Variants in MEGF10 observed in about 807,000 individuals in gnomAD.
MEGF10 encodes multiple EGF like domains 10, also known as multiple epidermal growth factor-like domains protein 10.
MEGF10 carries 86 observed loss-of-function variants against 147.5 expected under a neutral mutation model. That is an observed-to-expected ratio of 0.58 (90% CI 0.49 to 0.70). The LOEUF is 0.70. Among genes scored for constraint, MEGF10 ranks in the 30% least tolerant of loss-of-function variants. The probability of loss-of-function intolerance (pLI) is 0.00; values close to 1 mark genes in which losing one functional copy is unlikely to be tolerated. For synonymous variants in MEGF10, 478 were observed against 525.5 expected (o/e 0.91, Z 1.24); for missense variants, 1,329 against 1,487.3 (o/e 0.89, Z 1.75).
intron 14 of MEGF10, 137 bp from the exon 15 acceptor site, chr5:127,434,550 G>A (rs1765491744): frequency 1.1e-6 from 1 of 946,260 alleles, no homozygotes; most frequent in African/African-American, 1.7e-5. Flanking sequence ...TTTTCTACTT[G>A]GAAAATTCTC....
the MEGF10 span, among the ~76,000 whole-genome samples, chr5:127,278,272 A>G: frequency 6.6e-6 from 1 of 152,152 alleles, no homozygotes; most frequent in Non-Finnish European, 1.5e-5. Context: ...TGAAGGGAAG[A>G]GAAAAATGTT....
chr5:127,404,985 A>G (rs184366585), intron 8 of MEGF10, among the ~76,000 whole-genome samples: 487 of 152,230 alleles, frequency 3.2e-3, no homozygotes, highest in Non-Finnish European at 4.9e-3. Flanking sequence ...CAAAGTGCTA[A>G]GATTACAGGC....
the MEGF10 span, among the ~76,000 whole-genome samples, chr5:127,263,307 CGG>C: frequency 1.4e-5 from 2 of 144,250 alleles, no homozygotes; most frequent in African/African-American, 2.6e-5. Context: ...GAGGGATTCT[CGG>C]GGGGGGGGTA....
chr5:127,435,594 TGACTAATTAAAA>T, intron 16 of MEGF10, 105 bp downstream of exon 16: 1 of 1,146,836 alleles, frequency 8.7e-7, no homozygotes, highest in East Asian at 2.9e-5. Flanking sequence ...AAAGAATATA[TGACTAATTAAAA>T]GACACATTCT....
At chr5:127,358,379 T>C (rs1275165530) in intron 4 of MEGF10, among the ~76,000 whole-genome samples, 1 of 152,200 alleles carries the variant, frequency 6.6e-6, no homozygotes, top group African/African-American at 2.4e-5. Context: ...CTGGCCTTTA[T>C]TATTCATATG....
intron 4 of MEGF10, among the ~76,000 whole-genome samples, chr5:127,366,322 G>A (rs1762651189): frequency 6.6e-6 from 1 of 152,124 alleles, no homozygotes; most frequent in Non-Finnish European, 1.5e-5. Context: ...GCTGGATGTG[G>A]AGAGCCCAGA....
At chr5:127,411,891 T>G (rs6874260) in intron 9 of MEGF10, among the ~76,000 whole-genome samples, 2,799 of 152,270 alleles carry the variant, frequency 0.018, 54 homozygotes, top group South Asian at 0.078. Flanking sequence ...ACTAAGAACA[T>G]TACACCAGTG....
intron 1 of MEGF10, among the ~76,000 whole-genome samples, chr5:127,313,246 A>T (rs1760377076): frequency 1.3e-5 from 2 of 152,064 alleles, no homozygotes; most frequent in South Asian, 4.1e-4. Context: ...CCCAGAGATA[A>T]TTTTTTTGTT....
chr5:127,369,511 T>C (rs1762774728), intron 4 of MEGF10, among the ~76,000 whole-genome samples: 1 of 152,208 alleles, frequency 6.6e-6, no homozygotes, highest in South Asian at 2.1e-4. Context: ...ATCATAATAC[T>C]CCCCATCTAC....
chr5:127,393,810 G>GTTTTTT (rs11414651), intron 5 of MEGF10, among the ~76,000 whole-genome samples: 16 of 147,602 alleles, frequency 1.1e-4, no homozygotes, highest in Non-Finnish European at 1.9e-4. Flanking sequence ...TATCTTCAAA[G>GTTTTTT]TTTTTTTTTT....
At chr5:127,336,928 C>T (rs1016291419) in intron 2 of MEGF10, among the ~76,000 whole-genome samples, 17 of 152,070 alleles carry the variant, frequency 1.1e-4, no homozygotes, top group African/African-American at 4.1e-4. Flanking sequence ...CTTTGTTCTC[C>T]ACTAGAAATG....
chr5:127,357,764 C>T (rs1445416008), intron 4 of MEGF10, among the ~76,000 whole-genome samples: 1 of 151,948 alleles, frequency 6.6e-6, no homozygotes, highest in Non-Finnish European at 1.5e-5. Flanking sequence ...GGTTTTAGGG[C>T]CCATACAATT....
In MEGF10 at chr5:127,303,335, C is replaced by CAAAAA. The variant is rs1174955274; in HGVS notation, c.-19+12295_-19+12299dup. ...TGGACAACAGATCGAGACTCCATGT[C>CAAAAA]AAAAAAAAAAAAAAAAAAAAGCAAT... On this transcript the variant is annotated intron_variant, in intron 1 of 24. Coordinates refer to ENST00000503335, the MANE Select transcript of MEGF10 (RefSeq NM_001256545.2). Among the ~76,000 whole-genome samples, 5 of 50,616 alleles carry CAAAAA rather than the reference C, an allele frequency of 9.9e-5. 1 individual carries two copies. Among genetic ancestry groups the CAAAAA allele is most frequent in the Non-Finnish European group, 9.4e-5 (2 of 21,214 alleles). The allele number at this position is 50,616 out of a possible 152,430, so 33.2% of individuals were successfully genotyped here.
upstream of MEGF10, among the ~76,000 whole-genome samples, chr5:127,288,963 A>C (rs1364523720): frequency 6.6e-6 from 1 of 152,238 alleles, no homozygotes; most frequent in African/African-American, 2.4e-5. Context: ...GAGTGAAGGA[A>C]GTCAGACACA....
chr5:127,309,748 C>CA (rs1374218634), intron 1 of MEGF10, among the ~76,000 whole-genome samples: 4 of 152,034 alleles, frequency 2.6e-5, no homozygotes, highest in Non-Finnish European at 5.9e-5. Flanking sequence ...CTGCTGTGAA[C>CA]ATTGGTGTAC....
At chr5:127,446,109 C>T (rs1047068319) in intron 20 of MEGF10, among the ~76,000 whole-genome samples, 1 of 152,080 alleles carries the variant, frequency 6.6e-6, no homozygotes, top group East Asian at 1.9e-4. Context: ...CCAGCCTCTC[C>T]CTAGGCCTAC....
chr5:127,380,233 T>TA (rs2126882983), intron 5 of MEGF10, among the ~76,000 whole-genome samples: 1 of 152,244 alleles, frequency 6.6e-6, no homozygotes, highest in South Asian at 2.1e-4. Flanking sequence ...AATGAAGGCG[T>TA]AAATGTGCCA....
chr5:127,411,139 T>C (rs1477042764), intron 9 of MEGF10, among the ~76,000 whole-genome samples: 1 of 152,186 alleles, frequency 6.6e-6, no homozygotes, highest in African/African-American at 2.4e-5. Flanking sequence ...TACTCTGACA[T>C]AGAACTCACA....
chr5:127,377,343 T>C (rs939746201), intron 5 of MEGF10, among the ~76,000 whole-genome samples: 7 of 152,172 alleles, frequency 4.6e-5, no homozygotes, highest in African/African-American at 1.7e-4. Flanking sequence ...GCACAAATGG[T>C]AGAGTCCTAA....
Sources: gnomAD v4.1 joint callset for allele counts (sites outside exome capture counted in the v4.1 genomes callset) on GRCh38, gnomAD v4.1.1 for gene constraint, MANE v1.5 for transcripts, NCBI Gene and HGNC (gene_info 2026-07-23, HGNC 2026-07-21) for gene names.